UPRT: variants seen among roughly 807,000 people sequenced by gnomAD.
UPRT encodes the protein RP11-311P8.3.
A neutral mutation model predicts 22.6 loss-of-function variants in UPRT; 5 were observed. The ratio of observed to expected loss-of-function variants is 0.22; its 90% CI spans 0.12 to 0.47. The LOEUF is 0.47. UPRT is among the 20% of genes least tolerant of loss of function. The pLI is 0.99. For synonymous variants in UPRT, 77 were observed against 87.7 expected (o/e 0.88, Z 0.68); for missense variants, 181 against 239.9 (o/e 0.75, Z 1.62).
intron 4 of UPRT, among the ~76,000 whole-genome samples, chrX:75,246,610 G>T (rs1000107811): frequency 1.6e-4 from 18 of 111,273 alleles, no homozygotes; most frequent in African/African-American, 5.9e-4. Context: ...AATCCTTTGG[G>T]TATATACCCA....
At chrX:75,167,520 T>A in intron 3 of UPRT, among the ~76,000 whole-genome samples, 1 of 112,146 alleles carries the variant, frequency 8.9e-6, no homozygotes, top group East Asian at 2.8e-4. Context: ...CAAGCAATAT[T>A]TGAATTAAAT....
chrX:75,245,434 T>C (rs1260035740), intron 4 of UPRT, among the ~76,000 whole-genome samples: 1 of 110,961 alleles, frequency 9.0e-6, no homozygotes, highest in Non-Finnish European at 1.9e-5. Flanking sequence ...AGAAATCCCA[T>C]TACTGGGTAT....
At chrX:75,262,225 A>G (rs899163829) in intron 4 of UPRT, among the ~76,000 whole-genome samples, 20 of 111,644 alleles carry the variant, frequency 1.8e-4, no homozygotes, top group African/African-American at 6.2e-4. Flanking sequence ...TTTACAGACA[A>G]GCAAATGCTG....
chrX:75,263,429 C>A (rs1044254886), intron 4 of UPRT, among the ~76,000 whole-genome samples: 32 of 111,767 alleles, frequency 2.9e-4, no homozygotes, highest in Non-Finnish European at 5.5e-4. Flanking sequence ...GATTCAACTT[C>A]TTCCTGGTTT....
chrX:75,180,707 T>TTTTTTTTTTTTTTTTTG (rs2082267522), intron 4 of UPRT, among the ~76,000 whole-genome samples: 1 of 94,362 alleles, frequency 1.1e-5, no homozygotes, highest in Non-Finnish European at 2.1e-5. Flanking sequence ...TTTTTTTTTT[T>TTTTTTTTTTTTTTTTTG]TTTTTTTTTT....
chrX:75,238,589 A>G (rs2084521140), intron 4 of UPRT, among the ~76,000 whole-genome samples: 1 of 111,903 alleles, frequency 8.9e-6, no homozygotes, highest in Non-Finnish European at 1.9e-5. Flanking sequence ...CAACAGAGAA[A>G]CAATGGACTT....
At position 75,299,731 on chromosome X, in the gene UPRT, C is replaced by T; in HGVS notation, c.563-4C>T. 1 of 1,188,595 alleles carries T rather than the reference C, an allele frequency of 8.4e-7. No homozygotes were observed. Among genetic ancestry groups the T allele is most frequent in the African/African-American group, 1.8e-5 (1 of 56,667 alleles). On this transcript the variant is annotated splice_region_variant and splice_polypyrimidine_tract_variant and intron_variant, in intron 4 of 6. Coordinates refer to ENST00000373383, the MANE Select transcript of UPRT (RefSeq NM_145052.4). Reference sequence around the variant, plus strand: ...TCTTTTTTCTTTCTTTTTTCTTCTTCAAGGTGAGGCAATGGAACAAGGTTT... The same window carrying T: ...TCTTTTTTCTTTCTTTTTTCTTCTTTAAGGTGAGGCAATGGAACAAGGTTT...
intron 4 of UPRT, among the ~76,000 whole-genome samples, chrX:75,187,315 G>T (rs754639662): frequency 4.0e-4 from 45 of 111,347 alleles, no homozygotes; most frequent in Middle Eastern, 9.2e-3. Context: ...ATTCTGGGTT[G>T]AAAATTCTTT....
rs1252557923 is a variant in UPRT, at chrX:75,160,673, T to A, written c.-615+2T>A. Among the ~76,000 whole-genome samples, 2 of 111,051 alleles carry A rather than the reference T, an allele frequency of 1.8e-5. No homozygotes were observed. The highest frequency in any genetic ancestry group is 3.8e-5 in the Non-Finnish European group (2 of 53,012). ...GCCTCCCAAGTAGCTGGGACTAAGGTGTGTACGACAGTGCCTGACATATAT... is the reference window on the plus strand; with the variant it reads ...GCCTCCCAAGTAGCTGGGACTAAGGAGTGTACGACAGTGCCTGACATATAT... On this transcript the variant is annotated splice_donor_variant, in intron 2 of 13. Coordinates refer to the UPRT transcript ENST00000652605. LOFTEE classifies it low-confidence loss of function (5UTR_SPLICE).
chrX:75,180,861 T>A (rs1177714186), intron 4 of UPRT, among the ~76,000 whole-genome samples: 1 of 109,985 alleles, frequency 9.1e-6, no homozygotes, highest in Non-Finnish European at 1.9e-5. Context: ...AGCTCTTTAG[T>A]TTACTTCAAT....
At chrX:75,234,116 A>C (rs953560571) in intron 4 of UPRT, among the ~76,000 whole-genome samples, 1 of 110,669 alleles carries the variant, frequency 9.0e-6, no homozygotes, top group Non-Finnish European at 1.9e-5. Context: ...GGAAAACAAA[A>C]AAAGGCAGGG....
intron 1 of UPRT, among the ~76,000 whole-genome samples, chrX:75,280,596 T>C (rs1185554340): frequency 8.9e-6 from 1 of 111,881 alleles, no homozygotes; most frequent in African/African-American, 3.2e-5. Context: ...TTTGGGTTTA[T>C]TTCTGAGTTC....
intron 4 of UPRT, among the ~76,000 whole-genome samples, chrX:75,263,082 G>T (rs1027915717): frequency 8.9e-6 from 1 of 111,966 alleles, no homozygotes; most frequent in African/African-American, 3.2e-5. Flanking sequence ...AAATGCAGAA[G>T]AACAGAAATC....
At chrX:75,252,745 A>G (rs2082535695) in intron 4 of UPRT, among the ~76,000 whole-genome samples, 1 of 112,356 alleles carries the variant, frequency 8.9e-6, no homozygotes, top group Non-Finnish European at 1.9e-5. Context: ...ATGCACACAT[A>G]TGTTTATTGT....
Position 75,290,490 on chromosome X carries a change from G to A in UPRT, c.387-2982G>A, listed in dbSNP as rs187990059. 4.2e-3 allele frequency among the ~76,000 whole-genome samples: 463 copies of A among 111,499 alleles called. 3 individuals are homozygous for A. The highest frequency in any genetic ancestry group is 0.014 in the African/African-American group (434 of 30,724). Reference sequence around the variant, plus strand: ...AAATTGTTCTACCAAAAAACCACACGCACTTGTATGTTCATCACAACAGTA... The same window carrying A: ...AAATTGTTCTACCAAAAAACCACACACACTTGTATGTTCATCACAACAGTA... On this transcript the variant is annotated intron_variant, in intron 1 of 6. Coordinates refer to ENST00000373383, the MANE Select transcript of UPRT (RefSeq NM_145052.4).
intron 4 of UPRT, among the ~76,000 whole-genome samples, chrX:75,246,370 T>C (rs1232010285): frequency 1.9e-5 from 2 of 107,355 alleles, no homozygotes; most frequent in Non-Finnish European, 3.8e-5. Context: ...TTTTTTGTCC[T>C]TGTGATAGTT....
At chrX:75,251,110 A>G (rs372187676) in intron 4 of UPRT, among the ~76,000 whole-genome samples, 2 of 111,413 alleles carry the variant, frequency 1.8e-5, no homozygotes, top group Non-Finnish European at 3.8e-5. Flanking sequence ...ATATCATACT[A>G]AATGGACAAA....
At chrX:75,163,760 C>T (rs1263357979) in intron 3 of UPRT, among the ~76,000 whole-genome samples, 1 of 111,595 alleles carries the variant, frequency 9.0e-6, no homozygotes, top group East Asian at 2.8e-4. Context: ...TAAGTATGTC[C>T]CCTGAAAAGC....
intron 4 of UPRT, among the ~76,000 whole-genome samples, chrX:75,258,161 C>T (rs1252676133): frequency 9.2e-6 from 1 of 108,476 alleles, no homozygotes; most frequent in Non-Finnish European, 1.9e-5. Context: ...AACTAGGTAG[C>T]CATTTCGGCA....
Sources: gnomAD v4.1 joint callset for allele counts (sites outside exome capture counted in the v4.1 genomes callset) on GRCh38, gnomAD v4.1.1 for gene constraint, MANE v1.5 for transcripts, NCBI Gene and HGNC (gene_info 2026-07-23, HGNC 2026-07-21) for gene names.